Variants in HS3ST5 observed in about 807,000 individuals in gnomAD.
HS3ST5 encodes the protein heparan sulfate-glucosamine 3-sulfotransferase 5, also known as heparan sulfate glucosamine 3-O-sulfotransferase 5.
HS3ST5 carries 10 observed loss-of-function variants against 25.4 expected under a neutral mutation model. The ratio of observed to expected loss-of-function variants is 0.39; its 90% CI spans 0.24 to 0.67. HS3ST5 has a LOEUF of 0.67. HS3ST5 is among the 30% of genes least tolerant of loss of function. The pLI is 0.44. For missense variants in HS3ST5, 324 were observed against 420.7 expected (o/e 0.77, Z 2.01); for synonymous variants, 170 against 162.4 (o/e 1.05, Z -0.36).
chr6:114,079,848 C>G (rs1394538304), intron 3 of HS3ST5, among the ~76,000 whole-genome samples: 1 of 152,028 alleles, frequency 6.6e-6, no homozygotes, highest in African/African-American at 2.4e-5. Context: ...CTCAGCTCAC[C>G]GCAACCTCCA....
In HS3ST5 at chr6:114,342,420, AGGCGGCGGCGGCGGC is replaced by A. The variant is rs527646640; in HGVS notation, c.-579_-565del. The A allele has an allele frequency of 3.7e-5, 7 of 191,332 alleles. No individual in the cohort carries two copies. Among genetic ancestry groups the A allele is most frequent in the Admixed American group, 1.3e-4 (2 of 15,852 alleles). The allele number at this position is 191,332 out of a possible 1,614,324, so 11.9% of individuals were successfully genotyped here. ...TAAGACGCGAGCGGGCCCCACACGC[AGGCGGCGGCGGCGGC>A]GGCGGCGGCGGCGAGGTCTGAGGCG... On this transcript the variant is annotated 5_prime_UTR_variant, in exon 1 of 5. Transcript: ENST00000312719.
intron 1 of HS3ST5, among the ~76,000 whole-genome samples, chr6:114,325,788 C>G (rs978690618): frequency 3.3e-5 from 5 of 152,064 alleles, no homozygotes; most frequent in Admixed American, 3.3e-4. Context: ...AGGTTTACCC[C>G]CTCCTGGAAG....
chr6:114,236,703 T>C (rs1771871947), intron 1 of HS3ST5, among the ~76,000 whole-genome samples: 1 of 152,230 alleles, frequency 6.6e-6, no homozygotes, highest in African/African-American at 2.4e-5. Context: ...CATTTATTTC[T>C]GGTACCAGCA....
intron 1 of HS3ST5, among the ~76,000 whole-genome samples, chr6:114,295,343 A>G (rs1221775983): frequency 6.6e-6 from 1 of 152,214 alleles, no homozygotes; most frequent in African/African-American, 2.4e-5. Flanking sequence ...TAGCAAGCAC[A>G]TTGAGTCCTC....
At chr6:114,115,326 AT>A (rs1284520314) in intron 3 of HS3ST5, among the ~76,000 whole-genome samples, 1 of 152,080 alleles carries the variant, frequency 6.6e-6, no homozygotes, top group Non-Finnish European at 1.5e-5. Flanking sequence ...ATTTTGGGGA[AT>A]AAGTTTTTGC....
At chr6:114,333,590 G>C (rs1776490614) in intron 1 of HS3ST5, among the ~76,000 whole-genome samples, 1 of 151,828 alleles carries the variant, frequency 6.6e-6, no homozygotes, top group Non-Finnish European at 1.5e-5. Flanking sequence ...AACCGATTAA[G>C]AAAAAATAAT....
At chr6:114,274,795 A>G (rs1409530286) in intron 1 of HS3ST5, among the ~76,000 whole-genome samples, 3 of 152,036 alleles carry the variant, frequency 2.0e-5, no homozygotes, top group Non-Finnish European at 4.4e-5. Context: ...TTATCTGGGT[A>G]TGTTCTAGAG....
intron 3 of HS3ST5, among the ~76,000 whole-genome samples, chr6:114,088,388 ATCT>A (rs1774950329): frequency 6.8e-6 from 1 of 146,690 alleles, no homozygotes; most frequent in Non-Finnish European, 1.5e-5. Flanking sequence ...TTCCTGGATG[ATCT>A]TCTCTTTTTT....
chr6:114,335,745 C>T (rs1392462977), intron 1 of HS3ST5, among the ~76,000 whole-genome samples: 1 of 151,864 alleles, frequency 6.6e-6, no homozygotes, highest in East Asian at 1.9e-4. Context: ...ACCTCCATTT[C>T]CCGGGTTCAA....
rs79044783 is a variant in HS3ST5, at chr6:114,299,170, C to A, written c.-339+43025G>T. On this transcript the variant is annotated intron_variant, in intron 1 of 4. Coordinates refer to ENST00000312719, the MANE Select transcript of HS3ST5 (RefSeq NM_153612.4). ...TGAGGGTGGGCCTCTAAAATGGCCC[C>A]CTTGGGTGTAGCCATCTTCTATGGT... Among the ~76,000 whole-genome samples, 86 of 152,196 alleles carry A rather than the reference C, an allele frequency of 5.7e-4. No individual in the cohort carries two copies. In the East Asian group the frequency reaches 0.011, roughly 20 times the overall value.
Position 114,146,872 on chromosome 6 carries a change from C to G in HS3ST5, c.-33+21479G>C, listed in dbSNP as rs146232111. On this transcript the variant is annotated intron_variant, in intron 3 of 4. Coordinates refer to ENST00000312719, the MANE Select transcript of HS3ST5 (RefSeq NM_153612.4). ...AACAGCTCCGAGGCCTCCTGGGAAG[C>G]TGCCATGCTTGTGCCTGCAGAACTA... Among the ~76,000 whole-genome samples the G allele has an allele frequency of 7.9e-5, 12 of 152,316 alleles. No individual in the cohort carries two copies. The East Asian group carries it at 2.3e-3, about 29-fold the overall frequency.
chr6:114,163,666 T>C (rs537792177), intron 3 of HS3ST5, among the ~76,000 whole-genome samples: 1 of 152,158 alleles, frequency 6.6e-6, no homozygotes, highest in Non-Finnish European at 1.5e-5. Flanking sequence ...GAATGAACTC[T>C]TTTGAGCTGT....
intron 1 of HS3ST5, among the ~76,000 whole-genome samples, chr6:114,259,012 C>G (rs1257466963): frequency 4.6e-5 from 7 of 152,242 alleles, no homozygotes; most frequent in African/African-American, 1.7e-4. Flanking sequence ...AAAGTTTTTT[C>G]TCCTTGTATA....
At chr6:114,064,578 C>T (rs949654566) in intron 3 of HS3ST5, among the ~76,000 whole-genome samples, 5 of 152,198 alleles carry the variant, frequency 3.3e-5, no homozygotes, top group Non-Finnish European at 7.3e-5. Flanking sequence ...ATCCAACACA[C>T]AGTTGACAAA....
In HS3ST5 at chr6:114,322,551, T is replaced by C. The variant is rs146816302; in HGVS notation, c.-339+19644A>G. Among the ~76,000 whole-genome samples, 3 of 152,258 alleles carry C rather than the reference T, an allele frequency of 2.0e-5. No individual in the cohort carries two copies. In the East Asian group the frequency reaches 5.8e-4, roughly 29 times the overall value. ...TTAAAAAAGGTAACAGTGAAGCCTA[T>C]AAATTCCCTGTTGATAATGACCAAA... On this transcript the variant is annotated intron_variant, in intron 1 of 4. Coordinates refer to ENST00000312719, the MANE Select transcript of HS3ST5 (RefSeq NM_153612.4).
intron 1 of HS3ST5, among the ~76,000 whole-genome samples, chr6:114,284,274 T>A (rs1172070291): frequency 1.3e-5 from 2 of 152,008 alleles, no homozygotes; most frequent in African/African-American, 4.8e-5. Flanking sequence ...CCATTCACAA[T>A]GTACAAACCC....
intron 3 of HS3ST5, among the ~76,000 whole-genome samples, chr6:114,138,479 A>G (rs1277216573): frequency 6.6e-6 from 1 of 152,224 alleles, no homozygotes; most frequent in Non-Finnish European, 1.5e-5. Context: ...ATGTCTGAAG[A>G]GGCCACATAA....
intron 3 of HS3ST5, among the ~76,000 whole-genome samples, chr6:114,121,930 T>G (rs1405997749): frequency 6.6e-6 from 1 of 152,238 alleles, no homozygotes; most frequent in Non-Finnish European, 1.5e-5. Flanking sequence ...TCTGACAGCG[T>G]GTCCTACCTT....
chr6:114,200,035 A>G (rs1780940193), intron 2 of HS3ST5, among the ~76,000 whole-genome samples: 1 of 152,168 alleles, frequency 6.6e-6, no homozygotes, highest in Non-Finnish European at 1.5e-5. Flanking sequence ...AGCCTGACCA[A>G]CATAGTGAAA....
Sources: gnomAD v4.1 joint callset for allele counts (sites outside exome capture counted in the v4.1 genomes callset) on GRCh38, gnomAD v4.1.1 for gene constraint, MANE v1.5 for transcripts, NCBI Gene and HGNC (gene_info 2026-07-23, HGNC 2026-07-21) for gene names.